The following JPH2 variants were observed in gnomAD, a reference collection of about 807,000 sequenced individuals.
JPH2 encodes junctophilin-2.
JPH2 carries 38 observed loss-of-function variants against 55.9 expected under a neutral mutation model. The observed-to-expected ratio is 0.68, with a 90% CI of 0.52 to 0.89. The LOEUF (loss-of-function observed/expected upper bound fraction) is 0.89, where lower values mean the gene tolerates loss of function less well. Among genes scored for constraint, JPH2 ranks in the 40% least tolerant of loss-of-function variants. JPH2 has a pLI of 0.00. For synonymous variants in JPH2, 480 were observed against 472.4 expected, an observed-to-expected ratio of 1.02 and a Z score of -0.21; for missense variants, 964 against 1,037.6, an observed-to-expected ratio of 0.93 and a Z score of 0.97.
chr20:44,168,364 C>G (rs895615674), intron 1 of JPH2, among the ~76,000 whole-genome samples: 2 of 142,902 alleles, frequency 1.4e-5, no homozygotes, highest in African/African-American at 2.5e-5. Flanking sequence ...TGTTTACACA[C>G]AAAAAAAATA....
At chr20:44,141,976 T>C (rs1369773482) in intron 2 of JPH2, among the ~76,000 whole-genome samples, 1 of 152,208 alleles carries the variant, frequency 6.6e-6, no homozygotes, top group African/African-American at 2.4e-5. Context: ...TCTCAAGAGA[T>C]GGCGAGCTCC....
chr20:44,185,660 A>G (rs1044144027), intron 1 of JPH2, among the ~76,000 whole-genome samples: 6 of 143,514 alleles, frequency 4.2e-5, no homozygotes, highest in African/African-American at 1.5e-4. Flanking sequence ...GAATCCATGG[A>G]TGGATCATAG....
chr20:44,175,722 G>A (rs1269244713), intron 1 of JPH2, among the ~76,000 whole-genome samples: 1 of 152,240 alleles, frequency 6.6e-6, no homozygotes, highest in Non-Finnish European at 1.5e-5. Flanking sequence ...AGAAGCAGGG[G>A]ATTAACCAGG....
intron 2 of JPH2, among the ~76,000 whole-genome samples, chr20:44,130,501 T>C (rs550941913): frequency 6.6e-6 from 1 of 152,354 alleles, no homozygotes; most frequent in Admixed American, 6.5e-5. Flanking sequence ...GAGATCTGGC[T>C]GCACTTTGGC....
chr20:44,132,105 T>C (rs1250616873), intron 2 of JPH2, among the ~76,000 whole-genome samples: 6 of 152,156 alleles, frequency 3.9e-5, no homozygotes, highest in Admixed American at 2.0e-4. Context: ...AATTATGGCA[T>C]AGCCATTTGA....
chr20:44,173,913 AAAACAAAC>A (rs923450652), intron 1 of JPH2, among the ~76,000 whole-genome samples: 1 of 152,172 alleles, frequency 6.6e-6, no homozygotes, highest in Non-Finnish European at 1.5e-5. Flanking sequence ...ACTCCGACTC[AAAACAAAC>A]AAACAAACAA....
chr20:44,152,546 G>A (rs1383868379), intron 2 of JPH2, among the ~76,000 whole-genome samples: 1 of 152,108 alleles, frequency 6.6e-6, no homozygotes, highest in Non-Finnish European at 1.5e-5. Flanking sequence ...ATACATGTAA[G>A]GTACTTAAAA....
chr20:44,142,376 C>A (rs1221877198), intron 2 of JPH2, among the ~76,000 whole-genome samples: 1 of 152,184 alleles, frequency 6.6e-6, no homozygotes, highest in Non-Finnish European at 1.5e-5. Flanking sequence ...ACATTGCCAT[C>A]CATCCCCGCC....
Position 44,126,168 on chromosome 20 carries a change from G to GGA in JPH2, c.1170-7546_1170-7545insTC, listed in dbSNP as rs1555854537. On this transcript the variant is annotated intron_variant, in intron 2 of 5. Transcript: ENST00000372980. Reference sequence around the variant, plus strand: ...GGAGGGAGGGAGGGAGGGAGGGAGGGAGGAAGGAAGGAAGGAAGGAAGGGA... The same window carrying GGA: ...GGAGGGAGGGAGGGAGGGAGGGAGGGGAAGGAAGGAAGGAAGGAAGGAAGGGA... Among the ~76,000 whole-genome samples, 88 of 36,330 alleles carry GGA rather than the reference G, an allele frequency of 2.4e-3. 2 individuals are homozygous for GGA. The highest frequency in any genetic ancestry group is 0.028 in the Middle Eastern group (2 of 72). 23.8% of individuals were successfully genotyped at this position (36,330 alleles called of 152,430 possible).
At position 44,134,037 on chromosome 20, in the gene JPH2, T is replaced by TTTA. The variant is rs1555855548; in HGVS notation, c.1170-15417_1170-15415dup. Among the ~76,000 whole-genome samples, 23 of 12,860 alleles carry TTTA rather than the reference T, an allele frequency of 1.8e-3. 7 individuals carry two copies. Among genetic ancestry groups the TTTA allele is most frequent in the Admixed American group, 8.3e-3 (5 of 606 alleles). The allele number at this position is 12,860 out of a possible 152,430, so 8.4% of individuals were successfully genotyped here. A position where few individuals can be genotyped will look rare whatever the true frequency, so the allele number is the denominator to read the frequency against. On this transcript the variant is annotated intron_variant, in intron 2 of 5. Coordinates refer to ENST00000372980, the MANE Select transcript of JPH2 (RefSeq NM_020433.5). Reference sequence around the variant, plus strand: ...TATTATAAATATATATAAATATATATTTATATATAAATATATATTTATTAT... The same window carrying TTTA: ...TATTATAAATATATATAAATATATATTTATTATATATAAATATATATTTATTAT...
At position 44,118,485 on chromosome 20, in the gene JPH2, C is replaced by T. The variant is rs770652965; in HGVS notation, c.1288+20G>A. On this transcript the variant is annotated intron_variant, in intron 3 of 5. Transcript: ENST00000372980. ...CTAGGGATAGCCCTACCCTGCCCAT[C>T]CTTCCCTGGCTGGCCCTACCTGGCT... The T allele has an allele frequency of 1.0e-5, 16 of 1,593,702 alleles. No individual in the cohort carries two copies. The highest frequency in any genetic ancestry group is 8.6e-7 in the Non-Finnish European group (1 of 1,164,050).
At chr20:44,119,253 A>C (rs899856068) in intron 2 of JPH2, among the ~76,000 whole-genome samples, 4 of 152,232 alleles carry the variant, frequency 2.6e-5, no homozygotes, top group Admixed American at 6.5e-5. Context: ...AGCATAAAGG[A>C]TATTTCAAGG....
chr20:44,155,316 T>A (rs112305163), intron 2 of JPH2, among the ~76,000 whole-genome samples: 81 of 152,270 alleles, frequency 5.3e-4, no homozygotes, highest in African/African-American at 1.8e-3. Flanking sequence ...CAATTCATGG[T>A]CTTCTGAATC....
Position 44,159,570 on chromosome 20 carries a change from C to A in JPH2, c.1169+48G>T. The A allele has an allele frequency of 6.4e-7, 1 of 1,557,656 alleles. No homozygotes were observed. Among genetic ancestry groups the A allele is most frequent in the South Asian group, 1.2e-5 (1 of 86,560 alleles). On this transcript the variant is annotated intron_variant, in intron 2 of 5. Transcript: ENST00000372980. This position sits in a 1 kb window ranked among gnomAD's most constrained non-coding sequence, Gnocchi z 5.7. Reference sequence around the variant, plus strand: ...CCTAGGTTGCCCTGCCCCAGGACCCCCTTCTCCGAGGGGAGGCGACCCCTT... The same window carrying A: ...CCTAGGTTGCCCTGCCCCAGGACCCACTTCTCCGAGGGGAGGCGACCCCTT...
intron 2 of JPH2, among the ~76,000 whole-genome samples, chr20:44,140,518 G>A (rs1268134168): frequency 1.3e-5 from 2 of 152,144 alleles, no homozygotes; most frequent in Non-Finnish European, 2.9e-5. Context: ...GCCACACGAA[G>A]CCAGGGCTGA....
intron 2 of JPH2, among the ~76,000 whole-genome samples, chr20:44,150,007 C>G (rs1236405423): frequency 3.4e-5 from 5 of 148,000 alleles, no homozygotes; most frequent in Admixed American, 3.4e-4. Flanking sequence ...AGAGTTCATG[C>G]TAACCGGACA....
intron 2 of JPH2, among the ~76,000 whole-genome samples, chr20:44,142,466 C>T (rs2072464698): frequency 6.6e-6 from 1 of 152,178 alleles, no homozygotes; most frequent in African/African-American, 2.4e-5. Flanking sequence ...GGGCTCCTCA[C>T]TGTCCCCAGA....
rs544558878 is a variant in JPH2, at chr20:44,148,739, C to T, written c.1169+10879G>A. ...CCTGATTCAACACCGGGCAGACTGC[C>T]ACCTCAACACTCTCCTTCCTCCAAT... On this transcript the variant is annotated intron_variant, in intron 2 of 5. Transcript: ENST00000372980. Among the ~76,000 whole-genome samples the T allele has an allele frequency of 4.2e-3, 644 of 152,158 alleles. 2 individuals carry two copies. Among genetic ancestry groups the T allele is most frequent in the Non-Finnish European group, 6.9e-3 (469 of 67,994 alleles).
intron 2 of JPH2, among the ~76,000 whole-genome samples, chr20:44,156,251 T>C (rs762255263): frequency 7.8e-4 from 119 of 152,160 alleles, no homozygotes; most frequent in Non-Finnish European, 1.4e-3. Flanking sequence ...TCTTGACAAA[T>C]GTATTATGAT....
Sources: gnomAD v4.1 joint callset for allele counts (sites outside exome capture counted in the v4.1 genomes callset) on GRCh38, gnomAD v4.1.1 for gene constraint, Gnocchi (gnomAD v3.1) non-coding constraint, MANE v1.5 for transcripts, NCBI Gene and HGNC (gene_info 2026-07-23, HGNC 2026-07-21) for gene names.